Variants in HNF1B observed in about 807,000 individuals in gnomAD.
The protein encoded by HNF1B is HNF1 homeobox B.
A neutral mutation model predicts 61.7 loss-of-function variants in HNF1B; 8 were observed. The observed-to-expected ratio is 0.13, with a 90% CI of 0.08 to 0.23. HNF1B has a LOEUF of 0.23. Ranked by LOEUF, HNF1B falls within the 10% of genes least tolerant of loss-of-function variation. The probability of loss-of-function intolerance (pLI) is 1.00; values close to 1 mark genes in which losing one functional copy is unlikely to be tolerated. For missense variants in HNF1B, 562 were observed against 714.5 expected (o/e 0.79, Z 2.43); for synonymous variants, 314 against 287.7 (o/e 1.09, Z -0.93).
At chr17:37,739,322 C>G in intron 2 of HNF1B, 118 bp downstream of exon 2, 2 of 943,816 alleles carry the variant, frequency 2.1e-6, no homozygotes, top group Non-Finnish European at 3.5e-6. Context: ...TGCCACCTTC[C>G]TCATATCTGC....
chr17:37,690,451 T>C (rs1429400142), intron 8 of HNF1B, among the ~76,000 whole-genome samples: 1 of 152,180 alleles, frequency 6.6e-6, no homozygotes, highest in Non-Finnish European at 1.5e-5. Flanking sequence ...GAGATCACTC[T>C]GGCGAACAGC....
chr17:37,713,383 C>G (rs1333371167), intron 4 of HNF1B, among the ~76,000 whole-genome samples: 1 of 152,208 alleles, frequency 6.6e-6, no homozygotes, highest in East Asian at 1.9e-4. Flanking sequence ...AGGATTTCCG[C>G]AGGAAACAAA....
At chr17:37,706,194 G>T (rs566367731) in intron 5 of HNF1B, among the ~76,000 whole-genome samples, 73 of 152,204 alleles carry the variant, frequency 4.8e-4, no homozygotes, top group Non-Finnish European at 7.9e-4. Flanking sequence ...CCTGACCTCA[G>T]GTTATGTGCC....
At chr17:37,716,990 T>C (rs2033145030) in intron 4 of HNF1B, among the ~76,000 whole-genome samples, 1 of 152,106 alleles carries the variant, frequency 6.6e-6, no homozygotes, top group Admixed American at 6.5e-5. Flanking sequence ...GCCAGAATAA[T>C]GAATGAATAA....
intron 4 of HNF1B, 55 bp downstream of exon 4, chr17:37,731,540 G>T: frequency 1.4e-6 from 2 of 1,422,326 alleles, no homozygotes; most frequent in Non-Finnish European, 2.0e-6. Context: ...TAAGATCCGT[G>T]GCAAGAACCA....
At chr17:37,711,454 A>G (rs2032932293) in intron 4 of HNF1B, among the ~76,000 whole-genome samples, 1 of 152,228 alleles carries the variant, frequency 6.6e-6, no homozygotes, top group Non-Finnish European at 1.5e-5. Context: ...AGAACCAAAC[A>G]TGTTTACAAC....
chr17:37,705,870 C>T (rs918578490), intron 5 of HNF1B, among the ~76,000 whole-genome samples: 2 of 152,200 alleles, frequency 1.3e-5, no homozygotes, highest in African/African-American at 2.4e-5. Flanking sequence ...TTCCCATTAA[C>T]TCTAATTGTA....
At chr17:37,697,717 G>A (rs187903590) in intron 8 of HNF1B, among the ~76,000 whole-genome samples, 7 of 152,222 alleles carry the variant, frequency 4.6e-5, no homozygotes, top group East Asian at 1.9e-4. Context: ...GAACTCGCAC[G>A]GGAGTCGAAG....
chr17:37,691,057 G>T (rs1002157021), intron 8 of HNF1B, among the ~76,000 whole-genome samples: 1 of 152,182 alleles, frequency 6.6e-6, no homozygotes, highest in African/African-American at 2.4e-5. Context: ...GGCCAGTGCC[G>T]TAGAAGAACC....
rs779880855 is a variant in HNF1B, at chr17:37,687,324, G to A, written c.*48C>T. The A allele has an allele frequency of 9.3e-6, 15 of 1,614,084 alleles. No homozygotes were observed. In the Admixed American group the frequency reaches 1.5e-4, roughly 16 times the overall value. On this transcript the variant is annotated 3_prime_UTR_variant, in exon 9 of 9. Coordinates refer to ENST00000617811, the MANE Select transcript of HNF1B (RefSeq NM_000458.4). ...CAGCTGCCCAGAGGGTGATGGTGTG[G>A]AAAACAGGGTCCTTGTTGTTGCGCA...
intron 4 of HNF1B, among the ~76,000 whole-genome samples, chr17:37,723,218 A>C (rs531671162): frequency 6.6e-6 from 1 of 150,384 alleles, no homozygotes; most frequent in Non-Finnish European, 1.5e-5. Flanking sequence ...GTGGTGGTGG[A>C]CGCCTGTAGT....
intron 4 of HNF1B, among the ~76,000 whole-genome samples, chr17:37,712,395 C>T (rs567382558): frequency 1.3e-5 from 2 of 151,406 alleles, no homozygotes; most frequent in Admixed American, 6.6e-5. Flanking sequence ...CTATCTGCAG[C>T]CCCCACGTCT....
At chr17:37,733,484 C>T (rs1046338936) in intron 3 of HNF1B, 73 bp downstream of exon 3, 7 of 1,563,260 alleles carry the variant, frequency 4.5e-6, no homozygotes, top group Non-Finnish European at 5.3e-6. Flanking sequence ...GTCTCAATAT[C>T]CCAGGACCGA....
chr17:37,689,630 G>T (rs1181343975), intron 8 of HNF1B, among the ~76,000 whole-genome samples: 1 of 152,248 alleles, frequency 6.6e-6, no homozygotes, highest in Non-Finnish European at 1.5e-5. Context: ...CCCCACGGGG[G>T]CCTGGCCCAG....
At chr17:37,712,044 G>A (rs182164322) in intron 4 of HNF1B, among the ~76,000 whole-genome samples, 4 of 152,320 alleles carry the variant, frequency 2.6e-5, no homozygotes, top group African/African-American at 9.6e-5. Context: ...ATCTTCCTAA[G>A]GACTTTACCC....
rs2034111132 is a variant in HNF1B, at chr17:37,744,592, A to C, written c.293T>G (p.Leu98Arg). ...CTGCTCCGCCGCCTCCTCGGTGTTG[A>C]GCGCCTGCAGCTCCTTGAGGATGGG... ...TPPILKELQA[L>R]NTEEAAEQRA... Residue 98 changes from leucine (L) to arginine (R), a missense_variant, in exon 1 of 9, where the codon CTC becomes CGC. Leu to Arg is a moderately radical substitution (Grantham distance 102). Transcript: ENST00000617811. The C allele has an allele frequency of 6.2e-7, 1 of 1,608,040 alleles. No individual in the cohort carries two copies. Among genetic ancestry groups the C allele is most frequent in the Non-Finnish European group, 8.5e-7 (1 of 1,179,942 alleles).
intron 4 of HNF1B, among the ~76,000 whole-genome samples, chr17:37,714,805 G>A (rs1273350952): frequency 6.6e-6 from 1 of 152,082 alleles, no homozygotes; most frequent in Non-Finnish European, 1.5e-5. Context: ...GCCTTCCTGT[G>A]CCAGCACCGT....
chr17:37,710,489 C>T lies in HNF1B; in HGVS notation c.1206+14G>A, dbSNP rs2032896510. 1.9e-6 allele frequency: 3 copies of T among 1,614,130 alleles called. No homozygotes were observed. The South Asian group carries it at 3.3e-5, about 18-fold the overall frequency. ...TTATCAGCTCCAGAGCGACAATGGC[C>T]CAGGTGTACTCACCATTTTACCATC... On this transcript the variant is annotated intron_variant, in intron 5 of 8. Transcript: ENST00000617811.
intron 4 of HNF1B, among the ~76,000 whole-genome samples, chr17:37,721,534 A>G (rs2033314490): frequency 6.6e-6 from 1 of 152,038 alleles, no homozygotes; most frequent in Admixed American, 6.6e-5. Flanking sequence ...TGATTCACCC[A>G]AGGTCACCCT....
Sources: allele counts gnomAD v4.1 joint callset (sites outside exome capture counted in the v4.1 genomes callset), GRCh38; gene constraint gnomAD v4.1.1; transcripts MANE v1.5; gene names NCBI Gene and HGNC (gene_info 2026-07-23, HGNC 2026-07-21).